Variants in NCOA2 observed in about 807,000 individuals in gnomAD.
The protein encoded by NCOA2 is class E basic helix-loop-helix protein 75.
A neutral mutation model predicts 145.1 loss-of-function variants in NCOA2; 21 were observed. That is an observed-to-expected ratio of 0.14 (90% CI 0.10 to 0.21). NCOA2 has a LOEUF of 0.21. NCOA2 is among the 10% of genes least tolerant of loss of function. The pLI is 1.00. For missense variants in NCOA2, 1,472 were observed against 1,837.6 expected (o/e 0.80, Z 3.64); for synonymous variants, 619 against 637.5 (o/e 0.97, Z 0.44).
rs1205155795 is a variant in NCOA2, at chr8:70,159,240, A to T, written c.1124+265T>A. Among the ~76,000 whole-genome samples, 40 of 92,956 alleles carry T rather than the reference A, an allele frequency of 4.3e-4. 1 individual carries two copies. Among genetic ancestry groups the T allele is most frequent in the African/African-American group, 2.1e-3 (39 of 18,428 alleles). 61.0% of individuals were successfully genotyped at this position (92,956 alleles called of 152,430 possible). A position where few individuals can be genotyped will look rare whatever the true frequency, so the allele number is the denominator to read the frequency against. On this transcript the variant is annotated intron_variant, in intron 10 of 22. Coordinates refer to ENST00000452400, the MANE Select transcript of NCOA2 (RefSeq NM_006540.4). ...TATAACATTATATATATATATATAT[A>T]TATTTTTTTTTTTTTCCCCCAAATA...
rs117870650 is a variant in NCOA2 at position 70,380,329 on chromosome 8, C to T, written c.-77+23371G>A. ...TTTCAGAACTCAGTTTTAGGGCAAA[C>T]CTAAATTCTCTGTCAAGGCAAATTC... On this transcript the variant is annotated intron_variant, in intron 1 of 22. Transcript: ENST00000452400. 6.8e-3 allele frequency among the ~76,000 whole-genome samples: 1,032 copies of T among 152,176 alleles called. 8 individuals are homozygous for T. The highest frequency in any genetic ancestry group is 0.031 in the Middle Eastern group (9 of 294).
chr8:70,152,936 A>G (rs1280206739), intron 11 of NCOA2, among the ~76,000 whole-genome samples: 6 of 152,224 alleles, frequency 3.9e-5, no homozygotes, highest in African/African-American at 1.4e-4. Flanking sequence ...GAAATGAAAG[A>G]AAAGTCTTCA....
At chr8:70,264,496 T>TAAC (rs200707113) in intron 2 of NCOA2, among the ~76,000 whole-genome samples, 5,233 of 152,030 alleles carry the variant, frequency 0.034, 297 homozygotes, top group African/African-American at 0.12. Flanking sequence ...CTCCATCTCT[T>TAAC]AACAACAACA....
chr8:70,206,318 CTG>C (rs1935015700), intron 4 of NCOA2, among the ~76,000 whole-genome samples: 1 of 152,212 alleles, frequency 6.6e-6, no homozygotes, highest in South Asian at 2.1e-4. Context: ...GTCTCTCTCA[CTG>C]TCTTTCACCT....
At chr8:70,141,575 T>C (rs556942890) in intron 13 of NCOA2, among the ~76,000 whole-genome samples, 176 bp from the exon 14 acceptor site, 10 of 152,322 alleles carry the variant, frequency 6.6e-5, no homozygotes, top group Admixed American at 5.9e-4. Context: ...CAATTGGCAA[T>C]CACTACATAG....
At chr8:70,204,628 A>C (rs1195027315) in intron 4 of NCOA2, among the ~76,000 whole-genome samples, 1 of 152,220 alleles carries the variant, frequency 6.6e-6, no homozygotes, top group African/African-American at 2.4e-5. Flanking sequence ...AGGCTGAATA[A>C]AGGCCAGGAA....
the NCOA2 span, among the ~76,000 whole-genome samples, chr8:70,451,174 C>T: frequency 3.6e-5 from 5 of 139,792 alleles, no homozygotes; most frequent in South Asian, 2.2e-4. Context: ...GCTGAGATCG[C>T]GCCACTGTGC....
At chr8:70,308,489 G>A (rs1039025931) in intron 1 of NCOA2, among the ~76,000 whole-genome samples, 9 of 151,918 alleles carry the variant, frequency 5.9e-5, no homozygotes, top group African/African-American at 1.2e-4. Context: ...ATGTGTGTGT[G>A]TGTATAAATA....
intron 22 of NCOA2, among the ~76,000 whole-genome samples, chr8:70,119,249 C>T (rs540234997): frequency 1.3e-5 from 2 of 152,258 alleles, no homozygotes; most frequent in African/African-American, 2.4e-5. Flanking sequence ...TCTATTTTTC[C>T]ACTCTCTACT....
chr8:70,289,268 A>G (rs1475627097), intron 2 of NCOA2, among the ~76,000 whole-genome samples: 1 of 152,230 alleles, frequency 6.6e-6, no homozygotes, highest in Non-Finnish European at 1.5e-5. Context: ...AAAAGTTGAG[A>G]GATGAACTGT....
chr8:70,313,898 A>G (rs1347733591), intron 1 of NCOA2, among the ~76,000 whole-genome samples: 1 of 152,120 alleles, frequency 6.6e-6, no homozygotes, highest in Non-Finnish European at 1.5e-5. Context: ...TGGCCGGGCA[A>G]GGCGGCTCAC....
intron 1 of NCOA2, among the ~76,000 whole-genome samples, chr8:70,374,469 C>A (rs1811489648): frequency 6.9e-6 from 1 of 145,128 alleles, no homozygotes; most frequent in Non-Finnish European, 1.5e-5. Flanking sequence ...TAGACTCTGT[C>A]TCAAAAAAAA....
At chr8:70,365,701 T>G in intron 1 of NCOA2, among the ~76,000 whole-genome samples, 1 of 152,350 alleles carries the variant, frequency 6.6e-6, no homozygotes, top group Non-Finnish European at 1.5e-5. Flanking sequence ...TGTTCCACAC[T>G]AGAGACACCA....
At position 70,128,738 on chromosome 8, in the gene NCOA2, T is replaced by C; in HGVS notation, c.3567A>G (p.Leu1189=). 1 of 1,613,988 alleles carries C rather than the reference T, an allele frequency of 6.2e-7. No individual in the cohort carries two copies. Reference sequence around the variant, plus strand: ...GGAGGCGATGCTGAAGTTGAAGTCTTAGTTGATTTGGCTGGTTCTGCACTA... The same window carrying C: ...GGAGGCGATGCTGAAGTTGAAGTCTCAGTTGATTTGGCTGGTTCTGCACTA... ...TGLVQNQPNQ[L]RLQLQHRLQA... Residue 1189 remains leucine (L), a synonymous_variant, in exon 17 of 23, where the codon CTA becomes CTG. Transcript: ENST00000452400.
chr8:70,321,516 C>T (rs547426532), intron 1 of NCOA2, among the ~76,000 whole-genome samples: 83 of 151,916 alleles, frequency 5.5e-4, no homozygotes, highest in African/African-American at 1.7e-3. Flanking sequence ...TTACAAATTG[C>T]CAATTTACAA....
At chr8:70,125,330 T>C (rs1246714238) in intron 19 of NCOA2, among the ~76,000 whole-genome samples, 1 of 152,156 alleles carries the variant, frequency 6.6e-6, no homozygotes, top group East Asian at 1.9e-4. Flanking sequence ...GGCGTGATCA[T>C]AGTTCACTGC....
intron 4 of NCOA2, among the ~76,000 whole-genome samples, chr8:70,198,158 A>C (rs1304680887): frequency 6.6e-6 from 1 of 152,180 alleles, no homozygotes; most frequent in Non-Finnish European, 1.5e-5. Context: ...GACAGGTAAA[A>C]GGGTATAAAA....
intron 1 of NCOA2, among the ~76,000 whole-genome samples, chr8:70,387,775 A>C (rs1812805693): frequency 6.6e-6 from 1 of 152,184 alleles, no homozygotes; most frequent in South Asian, 2.1e-4. Context: ...AGGTTAAGTC[A>C]TAAAGGGAAC....
chr8:70,181,209 T>C (rs1230819980), intron 4 of NCOA2, among the ~76,000 whole-genome samples: 2 of 152,190 alleles, frequency 1.3e-5, no homozygotes, highest in African/African-American at 4.8e-5. Flanking sequence ...AGCCACGTAA[T>C]TGTTCTAACT....
Sources: gnomAD v4.1 joint callset for allele counts (sites outside exome capture counted in the v4.1 genomes callset) on GRCh38, gnomAD v4.1.1 for gene constraint, MANE v1.5 for transcripts, NCBI Gene and HGNC (gene_info 2026-07-23, HGNC 2026-07-21) for gene names.